The following GRM7 variants were observed in gnomAD, a reference collection of about 807,000 sequenced individuals.
GRM7 encodes the protein metabotropic glutamate receptor 7.
A neutral mutation model predicts 84.5 loss-of-function variants in GRM7; 35 were observed. The ratio of observed to expected loss-of-function variants is 0.41; its 90% CI spans 0.32 to 0.55. The LOEUF (loss-of-function observed/expected upper bound fraction) is 0.55. Among genes scored for constraint, GRM7 ranks in the 20% least tolerant of loss-of-function variants. The probability of loss-of-function intolerance (pLI) is 0.19; values close to 1 mark genes in which losing one functional copy is unlikely to be tolerated. For synonymous variants in GRM7, 487 were observed against 455.1 expected (o/e 1.07, Z -0.89); for missense variants, 1,003 against 1,194.6 (o/e 0.84, Z 2.36).
intron 4 of GRM7, among the ~76,000 whole-genome samples, chr3:7,385,289 ATTTTTTTTT>A (rs574917994): frequency 3.7e-4 from 25 of 67,288 alleles, no homozygotes; most frequent in Admixed American, 9.8e-4. Flanking sequence ...TTCTATATGG[ATTTTTTTTT>A]TTTTTTTTTT....
chr3:7,704,859 T>A (rs1185239057), intron 9 of GRM7, among the ~76,000 whole-genome samples: 1 of 152,160 alleles, frequency 6.6e-6, no homozygotes, highest in Non-Finnish European at 1.5e-5. Context: ...CTGAACCTCA[T>A]GTTCAGGTGG....
At chr3:7,497,050 T>C (rs1314273903) in intron 7 of GRM7, among the ~76,000 whole-genome samples, 1 of 132,640 alleles carries the variant, frequency 7.5e-6, no homozygotes, top group Non-Finnish European at 1.7e-5. Context: ...GCCCTTGCTT[T>C]GTCCACTTAA....
At chr3:7,061,174 T>C (rs906871603) in intron 1 of GRM7, among the ~76,000 whole-genome samples, 2 of 151,826 alleles carry the variant, frequency 1.3e-5, no homozygotes, top group African/African-American at 4.8e-5. Context: ...CATAAGGCTG[T>C]TCATACAATT....
chr3:7,589,645 T>C (rs951951886), intron 8 of GRM7, among the ~76,000 whole-genome samples: 2 of 152,188 alleles, frequency 1.3e-5, no homozygotes, highest in African/African-American at 2.4e-5. Context: ...AGCAAGCTTA[T>C]TGAGTTTTAG....
chr3:7,578,590 C>A lies in GRM7; in HGVS notation c.1684C>A (p.His562Asn), dbSNP rs776604379. The change falls in exon 8 of 10, where the codon CAT (histidine) becomes AAT (asparagine). Residue 562 changes from histidine (H) to asparagine (N), a missense_variant. Physicochemically the swap from His to Asn is moderately conservative, Grantham distance 68 (BLOSUM62 1). Transcript: ENST00000357716. The stretch of plus-strand genomic sequence containing the variant: ...CCAGTTTGATGAGATGACATGCCAG[C>A]ATTGCCCCTATGACCAGAGGCCCAA... ...QYQFDEMTCQ[H>N]CPYDQRPNEN... The A allele has an allele frequency of 4.2e-5, 67 of 1,614,006 alleles. No individual in the cohort carries two copies. Among genetic ancestry groups the A allele is most frequent in the Non-Finnish European group, 5.0e-5 (59 of 1,180,012 alleles).
chr3:7,179,354 A>G (rs1326016968), intron 2 of GRM7, among the ~76,000 whole-genome samples: 1 of 152,198 alleles, frequency 6.6e-6, no homozygotes, highest in East Asian at 1.9e-4. Context: ...AACCTCTAAT[A>G]TATGCAAGTG....
At chr3:7,375,816 C>T (rs751329509) in intron 4 of GRM7, among the ~76,000 whole-genome samples, 8 of 152,168 alleles carry the variant, frequency 5.3e-5, no homozygotes, top group African/African-American at 1.2e-4. Context: ...TTGCCTATGA[C>T]TTCCTTTAGC....
chr3:7,344,127 G>A (rs531162980), intron 4 of GRM7, among the ~76,000 whole-genome samples: 35 of 151,864 alleles, frequency 2.3e-4, no homozygotes, highest in Non-Finnish European at 3.8e-4. Context: ...GGGTACAAGC[G>A]CAGGTTTATT....
chr3:7,250,434 C>T (rs1354412104), intron 2 of GRM7, among the ~76,000 whole-genome samples: 1 of 151,670 alleles, frequency 6.6e-6, no homozygotes, highest in Non-Finnish European at 1.5e-5. Context: ...CATTTACCAA[C>T]TAAACATTTA....
intron 2 of GRM7, among the ~76,000 whole-genome samples, chr3:7,243,385 C>T (rs992339860): frequency 7.9e-5 from 12 of 152,084 alleles, no homozygotes; most frequent in African/African-American, 2.9e-4. Context: ...TGGTTCTTGT[C>T]TCTCATGTAT....
At chr3:7,240,921 G>A (rs551875677) in intron 2 of GRM7, among the ~76,000 whole-genome samples, 6 of 152,150 alleles carry the variant, frequency 3.9e-5, no homozygotes, top group South Asian at 4.2e-4. Context: ...TACAGTATTC[G>A]GGACAGTAAT....
rs1177179259 is a variant in GRM7 at position 7,417,661 on chromosome 3, T to C, written c.1174+2498T>C. ...GTTTTTATCTGAGGACTGTAGAACA[T>C]AGCCCCCTTCACAGAGCTCTCTCTG... On this transcript the variant is annotated intron_variant, in intron 5 of 9. Coordinates refer to ENST00000357716, the MANE Select transcript of GRM7 (RefSeq NM_000844.4). Among the ~76,000 whole-genome samples the C allele has an allele frequency of 2.6e-5, 4 of 152,122 alleles. No individual in the cohort carries two copies. In the East Asian group the frequency reaches 7.7e-4, roughly 29 times the overall value.
At chr3:7,666,093 AT>A (rs1490349015) in intron 8 of GRM7, among the ~76,000 whole-genome samples, 2 of 152,198 alleles carry the variant, frequency 1.3e-5, no homozygotes, top group African/African-American at 4.8e-5. Flanking sequence ...TATACTGTGA[AT>A]GAAAAGAGCA....
chr3:6,873,397 A>G (rs1216354562), intron 1 of GRM7, among the ~76,000 whole-genome samples: 2 of 152,194 alleles, frequency 1.3e-5, no homozygotes, highest in Non-Finnish European at 2.9e-5. Context: ...ATAAATATAT[A>G]TACAGTATAG....
intron 2 of GRM7, among the ~76,000 whole-genome samples, chr3:7,158,018 G>A (rs1158380793): frequency 2.6e-5 from 4 of 152,092 alleles, no homozygotes; most frequent in Admixed American, 6.6e-5. Flanking sequence ...AACTGTGTGG[G>A]AGAGCATTGC....
intron 4 of GRM7, among the ~76,000 whole-genome samples, chr3:7,354,084 G>C (rs1335175411): frequency 6.6e-6 from 1 of 152,158 alleles, no homozygotes; most frequent in African/African-American, 2.4e-5. Context: ...TGGAATAAAA[G>C]AGAAGCCAGT....
intron 1 of GRM7, among the ~76,000 whole-genome samples, chr3:6,876,330 GC>G (rs1348385674): frequency 6.6e-6 from 1 of 152,050 alleles, no homozygotes; most frequent in Non-Finnish European, 1.5e-5. Flanking sequence ...AGGGCCTTGG[GC>G]TTTCCTGTTT....
At chr3:6,865,473 A>G (rs1321126066) in intron 1 of GRM7, among the ~76,000 whole-genome samples, 2 of 152,250 alleles carry the variant, frequency 1.3e-5, no homozygotes, top group African/African-American at 2.4e-5. Context: ...CTGACTCTGA[A>G]TGAATAATAT....
At chr3:7,054,666 A>G (rs1207803702) in intron 1 of GRM7, among the ~76,000 whole-genome samples, 1 of 151,714 alleles carries the variant, frequency 6.6e-6, no homozygotes, top group Admixed American at 6.6e-5. Flanking sequence ...TTTGTCAAAA[A>G]CTTTTCTGCA....
Sources: allele counts gnomAD v4.1 joint callset (sites outside exome capture counted in the v4.1 genomes callset), GRCh38; gene constraint gnomAD v4.1.1; transcripts MANE v1.5; gene names NCBI Gene and HGNC (gene_info 2026-07-23, HGNC 2026-07-21).